Variants in PROS1 observed in about 807,000 individuals in gnomAD.
PROS1 encodes the protein protein S.
In PROS1, 29 loss-of-function variants were observed where a neutral mutation model predicts 75.9. The ratio of observed to expected loss-of-function variants is 0.38; its 90% CI spans 0.28 to 0.52. The LOEUF (loss-of-function observed/expected upper bound fraction) is 0.52. Among genes scored for constraint, PROS1 ranks in the 20% least tolerant of loss-of-function variants. The pLI, the probability that PROS1 is intolerant of heterozygous loss-of-function variation, is 0.83. For synonymous variants in PROS1, 245 were observed against 280.6 expected (o/e 0.87, Z 1.27); for missense variants, 680 against 810.3 (o/e 0.84, Z 1.95).
chr3:93,948,046 A>G (rs879604890), intron 1 of PROS1, among the ~76,000 whole-genome samples: 1 of 152,190 alleles, frequency 6.6e-6, no homozygotes, highest in Non-Finnish European at 1.5e-5. Flanking sequence ...GATGTAAACA[A>G]AAGCAAAAGA....
At chr3:93,885,929 A>G (rs1248043439) in intron 11 of PROS1, among the ~76,000 whole-genome samples, 1 of 152,184 alleles carries the variant, frequency 6.6e-6, no homozygotes, top group Non-Finnish European at 1.5e-5. Context: ...AGACTTGAGA[A>G]AGTCCTTTGA....
intron 1 of PROS1, among the ~76,000 whole-genome samples, chr3:93,929,445 C>A (rs549226801): frequency 6.6e-6 from 1 of 151,884 alleles, no homozygotes; most frequent in African/African-American, 2.4e-5. Context: ...CACACCACTG[C>A]ACTCCAGTGT....
At chr3:93,926,440 T>C (rs1419605219) in intron 2 of PROS1, among the ~76,000 whole-genome samples, 2 of 152,124 alleles carry the variant, frequency 1.3e-5, no homozygotes, top group African/African-American at 2.4e-5. Flanking sequence ...GAGACTTGCC[T>C]GGCCAACATG....
At chr3:93,915,813 A>G (rs1708837910) in intron 3 of PROS1, among the ~76,000 whole-genome samples, 1 of 151,944 alleles carries the variant, frequency 6.6e-6, no homozygotes, top group Admixed American at 6.6e-5. Context: ...ATCATCCTCA[A>G]TGCTCCATTC....
chr3:93,972,776 G>C (rs1441517452), intron 1 of PROS1, among the ~76,000 whole-genome samples: 1 of 152,150 alleles, frequency 6.6e-6, no homozygotes, highest in Non-Finnish European at 1.5e-5. Context: ...TTGAAGCCGG[G>C]GGGCGGAGGT....
At chr3:93,948,203 T>A (rs1242963982) in intron 1 of PROS1, among the ~76,000 whole-genome samples, 1 of 151,850 alleles carries the variant, frequency 6.6e-6, no homozygotes, top group East Asian at 1.9e-4. Flanking sequence ...ATAGAGGTAA[T>A]TGAAGACACA....
rs768994686 is a variant in PROS1 at position 93,927,363 on chromosome 3, G to A, written c.121C>T (p.Arg41Cys). 6 of 1,614,066 alleles carry A rather than the reference G, an allele frequency of 3.7e-6. No homozygotes were observed. The highest frequency in any genetic ancestry group is 2.2e-5 in the East Asian group (1 of 44,856). ...GTTTCTTCAAGTAAAGAATTTGCAC[G>A]ACGCTTCCTAACCAGGACTTGTGAA... The part of the protein sequence containing the change: ...QASQVLVRKR[R>C]ANSLLEETKQ... Residue 41 changes from arginine to cysteine, a missense_variant, in exon 2 of 15, where the codon CGT becomes TGT. Coordinates refer to ENST00000394236, the MANE Select transcript of PROS1 (RefSeq NM_000313.4).
intron 1 of PROS1, among the ~76,000 whole-genome samples, chr3:93,973,154 A>G (rs1432799210): frequency 6.6e-6 from 1 of 152,196 alleles, no homozygotes; most frequent in East Asian, 1.9e-4. Flanking sequence ...AAAGTGACAT[A>G]TATCTACTGC....
chr3:93,935,278 C>A (rs1194603127), intron 1 of PROS1, among the ~76,000 whole-genome samples: 1 of 152,044 alleles, frequency 6.6e-6, no homozygotes, highest in Non-Finnish European at 1.5e-5. Flanking sequence ...AACAGGAGGT[C>A]TTTTTCATGA....
Position 93,876,984 on chromosome 3 carries a change from A to G in PROS1, c.1852T>C (p.Tyr618His). The G allele has an allele frequency of 1.3e-6, 2 of 1,592,762 alleles. No individual in the cohort carries two copies. The highest frequency in any genetic ancestry group is 1.3e-5 in the African/African-American group (1 of 74,540). Reference sequence around the variant, plus strand: ...CAGATACCTGGAAGGCCACCCAGGTATGTGGCCACTTTTGCTTTCATTGCT... The same window carrying G: ...CAGATACCTGGAAGGCCACCCAGGTGTGTGGCCACTTTTGCTTTCATTGCT... ...DKAMKAKVAT[Y>H]LGGLPDVPFS... The change falls in exon 14 of 15, where the codon TAC becomes CAC. Residue 618 changes from tyrosine (Y) to histidine (H), a missense_variant. By Grantham distance (83) the Tyr-to-His change is moderately conservative. Coordinates refer to ENST00000394236, the MANE Select transcript of PROS1 (RefSeq NM_000313.4).
In PROS1 at chr3:93,896,685, AAAC is replaced by A. The variant is rs1352672399; in HGVS notation, c.853_855del (p.Val285del). 5.0e-6 allele frequency: 8 copies of A among 1,607,696 alleles called. No individual in the cohort carries two copies. The highest frequency in any genetic ancestry group is 6.8e-6 in the Non-Finnish European group (8 of 1,174,252). On this transcript the variant is annotated inframe_deletion, in exon 9 of 15. Transcript: ENST00000394236. The stretch of plus-strand genomic sequence containing the variant: ...TCAAGGTTCAAGGGAAGGCACACTG[AAAC>A]AACCTGGAATAAAAGAAACCAAATA...
chr3:93,913,589 G>A (rs141447655), intron 3 of PROS1, among the ~76,000 whole-genome samples: 45 of 152,238 alleles, frequency 3.0e-4, no homozygotes, highest in South Asian at 2.3e-3. Flanking sequence ...GAACTAATAC[G>A]CTTTCCCTTT....
chr3:93,967,293 A>G (rs1709806832), intron 1 of PROS1, among the ~76,000 whole-genome samples: 1 of 152,242 alleles, frequency 6.6e-6, no homozygotes, highest in African/African-American at 2.4e-5. Flanking sequence ...CAGCATAGGT[A>G]GAGACACTTA....
intron 1 of PROS1, among the ~76,000 whole-genome samples, chr3:93,961,516 G>C (rs964744248): frequency 6.6e-6 from 1 of 152,216 alleles, no homozygotes; most frequent in African/African-American, 2.4e-5. Context: ...TGGACTTCAA[G>C]CTTCAAATGA....
At chr3:93,948,604 GT>G (rs538419474) in intron 1 of PROS1, among the ~76,000 whole-genome samples, 1 of 152,044 alleles carries the variant, frequency 6.6e-6, no homozygotes, top group Non-Finnish European at 1.5e-5. Flanking sequence ...ACAAACTGTT[GT>G]TTTTTAGAAT....
At chr3:93,930,722 T>A (rs1210908430) in intron 1 of PROS1, among the ~76,000 whole-genome samples, 1 of 152,194 alleles carries the variant, frequency 6.6e-6, no homozygotes, top group Non-Finnish European at 1.5e-5. Flanking sequence ...CACTTAAGTT[T>A]ATAAAAGTAA....
chr3:93,973,738 C>T lies in PROS1; in HGVS notation c.12G>A (p.Leu4=), dbSNP rs771937532. 2 of 1,613,298 alleles carry T rather than the reference C, an allele frequency of 1.2e-6. No individual in the cohort carries two copies. The highest frequency in any genetic ancestry group is 3.3e-5 in the Admixed American group (2 of 59,976). Residue 4 remains leucine, a synonymous_variant, in exon 1 of 15, where the codon CTG becomes CTA. Coordinates refer to ENST00000394236, the MANE Select transcript of PROS1 (RefSeq NM_000313.4). ...CCAGCAGCGCCCCGCAGCGCCCACC[C>T]AGGACCCTCATTTCGAAGCGCGCGG... MRV[L]GGRCGALLAC...
intron 1 of PROS1, among the ~76,000 whole-genome samples, chr3:93,955,479 G>A (rs1709583751): frequency 6.6e-6 from 1 of 151,836 alleles, no homozygotes; most frequent in Non-Finnish European, 1.5e-5. Flanking sequence ...TGCAAGGACA[G>A]AAAACCAAAC....
Position 93,973,854 on chromosome 3 carries a change from T to A in PROS1, c.-105A>T. 1.1e-6 allele frequency: 1 copy of A among 936,274 alleles called. No homozygotes were observed. The highest frequency in any genetic ancestry group is 1.4e-6 in the Non-Finnish European group (1 of 694,200). The allele number at this position is 936,274 out of a possible 1,614,324, so 58.0% of individuals were successfully genotyped here. A position where few individuals can be genotyped will look rare whatever the true frequency, so the allele number is the denominator to read the frequency against. ...AGCCTGTGCGCCTCGGTCTGAGCCG[T>A]GCTGCGCGGCGGCGCCAGCGACCCA... is the stretch of plus-strand genomic sequence containing the variant. On this transcript the variant is annotated 5_prime_UTR_variant, in exon 1 of 15. Coordinates refer to ENST00000394236, the MANE Select transcript of PROS1 (RefSeq NM_000313.4).
Sources: gnomAD v4.1 joint callset for allele counts (sites outside exome capture counted in the v4.1 genomes callset) on GRCh38, gnomAD v4.1.1 for gene constraint, MANE v1.5 for transcripts, NCBI Gene and HGNC (gene_info 2026-07-23, HGNC 2026-07-21) for gene names.